CDH18: variants seen among roughly 807,000 people sequenced by gnomAD.
The protein encoded by CDH18 is cadherin-18.
A neutral mutation model predicts 67.9 loss-of-function variants in CDH18; 31 were observed. That is an observed-to-expected ratio of 0.46 (90% confidence interval 0.34 to 0.62). The LOEUF (loss-of-function observed/expected upper bound fraction) is 0.62, where lower values mean the gene tolerates loss of function less well. CDH18 is among the 20% of genes least tolerant of loss of function. CDH18 has a pLI of 0.01. For missense variants in CDH18, 890 were observed against 975.5 expected, an observed-to-expected ratio of 0.91 and a Z score of 1.17; for synonymous variants, 362 against 347.2, an observed-to-expected ratio of 1.04 and a Z score of -0.48.
intron 1 of CDH18, among the ~76,000 whole-genome samples, chr5:20,362,621 G>T (rs1235911485): frequency 6.6e-6 from 1 of 152,150 alleles, no homozygotes; most frequent in Non-Finnish European, 1.5e-5. Flanking sequence ...CAGAAGAAAA[G>T]ACAATGAATT....
At chr5:19,909,300 CT>C (rs11352062) in intron 2 of CDH18, among the ~76,000 whole-genome samples, 71,534 of 130,262 alleles carry the variant, frequency 0.55, 19,076 homozygotes, top group Middle Eastern at 0.64. Context: ...GTTTCCTTCA[CT>C]TTTTTTTTTT....
chr5:19,861,122 A>G (rs1022672407), intron 2 of CDH18, among the ~76,000 whole-genome samples: 1 of 152,194 alleles, frequency 6.6e-6, no homozygotes, highest in Non-Finnish European at 1.5e-5. Context: ...GAGGACCTAG[A>G]TTATTAGCAA....
At chr5:19,728,326 T>A (rs1767129759) in intron 4 of CDH18, among the ~76,000 whole-genome samples, 1 of 152,154 alleles carries the variant, frequency 6.6e-6, no homozygotes, top group African/African-American at 2.4e-5. Context: ...TCATTGCTTT[T>A]TGGTATACAA....
chr5:20,456,730 A>G (rs1433948105), intron 1 of CDH18, among the ~76,000 whole-genome samples: 1 of 152,154 alleles, frequency 6.6e-6, no homozygotes. Context: ...CATAAATGCC[A>G]TATTTTTTTT....
intron 1 of CDH18, among the ~76,000 whole-genome samples, chr5:20,566,239 A>G (rs1208335460): frequency 7.9e-5 from 12 of 152,140 alleles, no homozygotes; most frequent in Admixed American, 7.9e-4. Flanking sequence ...CAGAGGAAGC[A>G]GAGGAAGGAA....
intron 1 of CDH18, among the ~76,000 whole-genome samples, chr5:20,516,686 CTAGATTGTTAGAAAATTAGA>C (rs1173745272): frequency 6.6e-6 from 1 of 151,778 alleles, no homozygotes; most frequent in Non-Finnish European, 1.5e-5. Context: ...AATTTTCTTA[CTAGATTGTTAGAAAATTAGA>C]GACTGATATG....
At chr5:20,492,592 T>G (rs946194070) in intron 1 of CDH18, among the ~76,000 whole-genome samples, 4 of 152,148 alleles carry the variant, frequency 2.6e-5, no homozygotes, top group African/African-American at 9.6e-5. Context: ...AACTTTGTCT[T>G]TCAACTTGAC....
intron 1 of CDH18, among the ~76,000 whole-genome samples, chr5:20,421,367 T>TG (rs1442479917): frequency 1.6e-5 from 1 of 64,224 alleles, no homozygotes; most frequent in East Asian, 5.4e-4. Context: ...AATCACTTGG[T>TG]TTTTTTTTTT....
At chr5:19,489,495 C>T (rs886339867) in intron 11 of CDH18, among the ~76,000 whole-genome samples, 1 of 152,032 alleles carries the variant, frequency 6.6e-6, no homozygotes, top group Non-Finnish European at 1.5e-5. Flanking sequence ...GATCTGCCCC[C>T]CTTGGCCTCC....
At chr5:19,669,074 G>C (rs1270951477) in intron 5 of CDH18, among the ~76,000 whole-genome samples, 1 of 147,504 alleles carries the variant, frequency 6.8e-6, no homozygotes, top group East Asian at 2.0e-4. Flanking sequence ...AGAGCATAAT[G>C]ATTACTTCCA....
intron 6 of CDH18, among the ~76,000 whole-genome samples, chr5:19,604,261 G>A (rs1438710245): frequency 6.6e-6 from 1 of 151,890 alleles, no homozygotes; most frequent in East Asian, 1.9e-4. Flanking sequence ...CATTCCCTAT[G>A]ATTACCCCAA....
rs796558819 is a variant in CDH18 at position 20,172,214 on chromosome 5, A to ACG, written c.-518+83229_-518+83230insCG. On this transcript the variant is annotated intron_variant, in intron 2 of 14. Coordinates refer to the CDH18 transcript ENST00000507958. ...TGTATATATATATATATATATATAT[A>ACG]TATATATATGTATATATATATATAT... Among the ~76,000 whole-genome samples the ACG allele has an allele frequency of 4.3e-4, 14 of 32,858 alleles. 1 individual carries two copies. The highest frequency in any genetic ancestry group is 1.7e-3 in the East Asian group (2 of 1,152). 21.6% of individuals were successfully genotyped at this position (32,858 alleles called of 152,430 possible).
At chr5:20,564,067 C>T (rs1361778136) in intron 1 of CDH18, among the ~76,000 whole-genome samples, 1 of 151,870 alleles carries the variant, frequency 6.6e-6, no homozygotes, top group Admixed American at 6.6e-5. Flanking sequence ...GACTTATTCA[C>T]AACATCCATT....
chr5:20,211,460 C>A (rs1176541730), intron 2 of CDH18, among the ~76,000 whole-genome samples: 1 of 152,090 alleles, frequency 6.6e-6, no homozygotes, highest in East Asian at 1.9e-4. Flanking sequence ...GGTCCCTGAC[C>A]CCCCGAGTAG....
At chr5:19,941,310 G>A (rs887400011) in intron 2 of CDH18, among the ~76,000 whole-genome samples, 5 of 152,116 alleles carry the variant, frequency 3.3e-5, no homozygotes, top group African/African-American at 1.2e-4. Context: ...GAATTTCTGT[G>A]TTCGTAAGCC....
At chr5:19,815,734 A>G (rs1487649132) in intron 3 of CDH18, among the ~76,000 whole-genome samples, 1 of 151,950 alleles carries the variant, frequency 6.6e-6, no homozygotes, top group East Asian at 1.9e-4. Flanking sequence ...ATGAACACGA[A>G]GAGGCCTCTT....
At chr5:19,588,844 G>A (rs1744646276) in intron 7 of CDH18, among the ~76,000 whole-genome samples, 1 of 151,980 alleles carries the variant, frequency 6.6e-6, no homozygotes, top group Non-Finnish European at 1.5e-5. Context: ...TCAACAAGAA[G>A]TAACTACACT....
At chr5:20,168,133 G>GT (rs1561845263) in intron 2 of CDH18, among the ~76,000 whole-genome samples, 1 of 151,978 alleles carries the variant, frequency 6.6e-6, no homozygotes, top group Admixed American at 6.6e-5. Flanking sequence ...TTTTTTAAAC[G>GT]TAATTTTGCT....
chr5:20,571,974 G>A (rs1758845009), intron 1 of CDH18, among the ~76,000 whole-genome samples: 1 of 152,004 alleles, frequency 6.6e-6, no homozygotes, highest in Admixed American at 6.6e-5. Flanking sequence ...CTGTAGAGAT[G>A]GGAGGAATGT....
Sources: gnomAD v4.1 joint callset for allele counts (sites outside exome capture counted in the v4.1 genomes callset) on GRCh38, gnomAD v4.1.1 for gene constraint, MANE v1.5 for transcripts, NCBI Gene and HGNC (gene_info 2026-07-23, HGNC 2026-07-21) for gene names.